Variants in ARHGAP31 observed in about 807,000 individuals in gnomAD.
The protein encoded by ARHGAP31 is rho GTPase-activating protein 31.
Under a neutral mutation model 113.9 loss-of-function variants are expected in ARHGAP31, and 34 were observed. That is an observed-to-expected ratio of 0.30 (90% confidence interval 0.23 to 0.40). The LOEUF (loss-of-function observed/expected upper bound fraction) is 0.40, where lower values mean the gene tolerates loss of function less well. Among genes scored for constraint, ARHGAP31 ranks in the 10% least tolerant of loss-of-function variants. The pLI, the probability that ARHGAP31 is intolerant of heterozygous loss-of-function variation, is 1.00. For synonymous variants in ARHGAP31, 650 were observed against 684.8 expected (o/e 0.95, Z 0.79); for missense variants, 1,548 against 1,767.1 (o/e 0.88, Z 2.22).
chr3:119,324,439 C>T (rs867185263), intron 1 of ARHGAP31, among the ~76,000 whole-genome samples: 9 of 152,118 alleles, frequency 5.9e-5, no homozygotes, highest in Non-Finnish European at 1.0e-4. Context: ...TTATGAAATA[C>T]GATAGTTATT....
chr3:119,411,494 A>G (rs2080716301), intron 11 of ARHGAP31, among the ~76,000 whole-genome samples: 1 of 152,210 alleles, frequency 6.6e-6, no homozygotes, highest in Admixed American at 6.5e-5. Context: ...GTTTGAGCAA[A>G]GAGATGCACT....
chr3:119,317,293 C>T (rs2079742758), intron 1 of ARHGAP31, among the ~76,000 whole-genome samples: 1 of 152,100 alleles, frequency 6.6e-6, no homozygotes, highest in Non-Finnish European at 1.5e-5. Flanking sequence ...ATTCTCCTGG[C>T]TCAGCCTCCC....
At chr3:119,398,343 C>CAA (rs1266044030) in intron 8 of ARHGAP31, among the ~76,000 whole-genome samples, 2 of 152,136 alleles carry the variant, frequency 1.3e-5, no homozygotes, top group African/African-American at 4.8e-5. Context: ...CCAAAAGCGG[C>CAA]AGAGCTGGAA....
At chr3:119,368,650 A>G in intron 3 of ARHGAP31, 134 bp downstream of exon 3, 1 of 1,176,218 alleles carries the variant, frequency 8.5e-7, no homozygotes, top group Non-Finnish European at 1.2e-6. Flanking sequence ...GGGAAGTAGG[A>G]TAATATGGTA....
chr3:119,313,410 T>C (rs1378253947), intron 1 of ARHGAP31, among the ~76,000 whole-genome samples: 1 of 152,258 alleles, frequency 6.6e-6, no homozygotes, highest in Non-Finnish European at 1.5e-5. Context: ...TATCTAAATA[T>C]TGATCACTTA....
chr3:119,378,340 G>A (rs1268191393), intron 3 of ARHGAP31, among the ~76,000 whole-genome samples: 1 of 152,128 alleles, frequency 6.6e-6, no homozygotes, highest in East Asian at 1.9e-4. Context: ...AAAGCTTCTG[G>A]AGAGGGTTGG....
intron 1 of ARHGAP31, among the ~76,000 whole-genome samples, chr3:119,319,580 T>C (rs1379710033): frequency 6.6e-6 from 1 of 152,136 alleles, no homozygotes; most frequent in Non-Finnish European, 1.5e-5. Flanking sequence ...ACCCAAACAT[T>C]TGCGCTTATT....
intron 1 of ARHGAP31, among the ~76,000 whole-genome samples, chr3:119,335,881 A>G (rs988657966): frequency 6.6e-6 from 1 of 152,196 alleles, no homozygotes; most frequent in African/African-American, 2.4e-5. Context: ...TGAGTTTAAA[A>G]ACGGATTCTG....
chr3:119,367,640 C>T (rs550241816), intron 2 of ARHGAP31, among the ~76,000 whole-genome samples: 5 of 152,140 alleles, frequency 3.3e-5, no homozygotes, highest in Non-Finnish European at 7.4e-5. Flanking sequence ...GGTCAGATCA[C>T]GAGGTCAGGA....
intron 8 of ARHGAP31, among the ~76,000 whole-genome samples, chr3:119,396,742 C>T (rs2080553886): frequency 6.6e-6 from 1 of 152,114 alleles, no homozygotes; most frequent in African/African-American, 2.4e-5. Flanking sequence ...AATTAATTCA[C>T]TATGAATAGT....
At chr3:119,298,280 T>TA (rs1256515743) in intron 1 of ARHGAP31, among the ~76,000 whole-genome samples, 1 of 152,230 alleles carries the variant, frequency 6.6e-6, no homozygotes, top group Non-Finnish European at 1.5e-5. Context: ...ATCCCTTCCT[T>TA]ACTGCTGCTG....
At chr3:119,387,604 G>A (rs1266189474) in intron 6 of ARHGAP31, among the ~76,000 whole-genome samples, 5 of 152,178 alleles carry the variant, frequency 3.3e-5, no homozygotes, top group Admixed American at 3.3e-4. Flanking sequence ...TCACAGCATA[G>A]CAGAAGGCAT....
intron 8 of ARHGAP31, among the ~76,000 whole-genome samples, chr3:119,394,463 G>A (rs2080530656): frequency 1.3e-5 from 2 of 152,098 alleles, no homozygotes; most frequent in Admixed American, 1.3e-4. Context: ...ATATATAGTG[G>A]GGAATTTAAC....
intron 1 of ARHGAP31, among the ~76,000 whole-genome samples, chr3:119,298,223 C>G (rs1376786175): frequency 6.6e-6 from 1 of 152,208 alleles, no homozygotes; most frequent in Non-Finnish European, 1.5e-5. Context: ...CAGCTCTCCC[C>G]TGGGAACCAG....
chr3:119,326,376 C>G (rs897683137), intron 1 of ARHGAP31, among the ~76,000 whole-genome samples: 3 of 151,404 alleles, frequency 2.0e-5, no homozygotes, highest in African/African-American at 7.3e-5. Flanking sequence ...CTGTACAGAT[C>G]CAGAAAAAGG....
intron 6 of ARHGAP31, 58 bp downstream of exon 6, chr3:119,383,284 G>T: frequency 6.2e-7 from 1 of 1,605,368 alleles, no homozygotes. Flanking sequence ...TGCAACTAGT[G>T]GTGGGACTCA....
In ARHGAP31 at chr3:119,383,080, G is replaced by C. The variant is rs539898181; in HGVS notation, c.540-4G>C. ...TAACTGAATATGTTTCTTCCACACG[G>C]TAGGTCTAAAGAAATTGAAGCCACT... On this transcript the variant is annotated splice_region_variant and splice_polypyrimidine_tract_variant and intron_variant, in intron 5 of 11. Transcript: ENST00000264245. The C allele has an allele frequency of 9.3e-6, 15 of 1,614,004 alleles. No homozygotes were observed. The highest frequency in any genetic ancestry group is 2.7e-5 in the African/African-American group (2 of 74,938).
intron 10 of ARHGAP31, among the ~76,000 whole-genome samples, chr3:119,407,175 G>C (rs369891426): frequency 3.3e-5 from 5 of 151,786 alleles, no homozygotes; most frequent in Non-Finnish European, 7.4e-5. Context: ...ATGAAACCCC[G>C]TCTCTACTAA....
At chr3:119,395,324 C>T (rs1291372778) in intron 8 of ARHGAP31, among the ~76,000 whole-genome samples, 1 of 152,182 alleles carries the variant, frequency 6.6e-6, no homozygotes, top group African/African-American at 2.4e-5. Context: ...TCAATTCAAT[C>T]AACTTATGCA....
Sources: allele counts gnomAD v4.1 joint callset (sites outside exome capture counted in the v4.1 genomes callset), GRCh38; gene constraint gnomAD v4.1.1; transcripts MANE v1.5; gene names NCBI Gene and HGNC (gene_info 2026-07-23, HGNC 2026-07-21).